Variants in GSK3B observed in about 807,000 individuals in gnomAD.
The protein encoded by GSK3B is glycogen synthase kinase 3 beta.
Under a neutral mutation model 56.4 loss-of-function variants are expected in GSK3B, and 15 were observed. That is an observed-to-expected ratio of 0.27 (90% CI 0.18 to 0.41). The LOEUF (loss-of-function observed/expected upper bound fraction) is 0.41, where lower values mean the gene tolerates loss of function less well. Among genes scored for constraint, GSK3B ranks in the 10% least tolerant of loss-of-function variants. GSK3B has a pLI of 1.00. For missense variants in GSK3B, 300 were observed against 513.4 expected (o/e 0.58, Z 4.02); for synonymous variants, 181 against 188.9 (o/e 0.96, Z 0.34).
Position 119,826,572 on chromosome 3 carries a change from G to A in GSK3B, c.*216C>T. The A allele has an allele frequency of 1.9e-6, 1 of 515,942 alleles. No individual in the cohort carries two copies. The allele number at this position is 515,942 out of a possible 1,614,324, so 32.0% of individuals were successfully genotyped here. On this transcript the variant is annotated 3_prime_UTR_variant, in exon 11 of 11. Transcript: ENST00000264235. ...CTCCCCACAACCCCTCCCACCCCCT[G>A]GATCTCCCTCAAAGTGAGAATACAA...
chr3:119,845,670 C>T (rs922894531), intron 9 of GSK3B, among the ~76,000 whole-genome samples: 1 of 152,100 alleles, frequency 6.6e-6, no homozygotes, highest in Non-Finnish European at 1.5e-5. Flanking sequence ...AGGACACAAA[C>T]AAATGGAAAA....
chr3:120,059,915 A>G (rs1266052301), intron 1 of GSK3B, among the ~76,000 whole-genome samples: 1 of 152,208 alleles, frequency 6.6e-6, no homozygotes, highest in Admixed American at 6.5e-5. Context: ...TTTCACTTTC[A>G]TCAACCAAAT....
intron 3 of GSK3B, among the ~76,000 whole-genome samples, chr3:119,926,481 C>A (rs188564154): frequency 3.9e-4 from 59 of 152,274 alleles, no homozygotes; most frequent in Admixed American, 8.5e-4. Context: ...AAGCTACTAT[C>A]ACCTTTCACG....
At chr3:119,915,583 T>C (rs767970602) in intron 5 of GSK3B, among the ~76,000 whole-genome samples, 4 of 152,122 alleles carry the variant, frequency 2.6e-5, no homozygotes, top group Non-Finnish European at 5.9e-5. Context: ...TCTGTATGTT[T>C]TTAAAACATA....
At chr3:119,922,290 A>G (rs1048312243) in intron 4 of GSK3B, among the ~76,000 whole-genome samples, 19 of 131,896 alleles carry the variant, frequency 1.4e-4, no homozygotes, top group Admixed American at 2.3e-4. Flanking sequence ...AGGAGGGAAA[A>G]ATAATAAAAA....
chr3:120,027,413 A>G (rs543283836), intron 1 of GSK3B, among the ~76,000 whole-genome samples: 2 of 152,010 alleles, frequency 1.3e-5, no homozygotes, highest in Non-Finnish European at 2.9e-5. Context: ...ACAAAAATGA[A>G]ACCCTATTCT....
rs1341895596 is a variant in GSK3B at position 119,822,963 on chromosome 3, C to T, written c.*3825G>A. 4.4e-6 allele frequency: 1 copy of T among 229,360 alleles called. No homozygotes were observed. The highest frequency in any genetic ancestry group is 8.6e-6 in the Non-Finnish European group (1 of 115,726). 14.2% of individuals were successfully genotyped at this position (229,360 alleles called of 1,614,324 possible). On this transcript the variant is annotated 3_prime_UTR_variant, in exon 11 of 11. Transcript: ENST00000264235. The stretch of plus-strand genomic sequence containing the variant: ...GGATAGAGAATACTCCTCTCAGAAA[C>T]CTTTGCATTGGTGCAGACAAGATGA...
chr3:120,036,864 T>C (rs1016246997), intron 1 of GSK3B, among the ~76,000 whole-genome samples: 1 of 148,312 alleles, frequency 6.7e-6, no homozygotes, highest in African/African-American at 2.5e-5. Flanking sequence ...GATACACAGA[T>C]ATCAAAATAA....
At chr3:120,057,960 A>C (rs1406766665) in intron 1 of GSK3B, among the ~76,000 whole-genome samples, 1 of 152,046 alleles carries the variant, frequency 6.6e-6, no homozygotes, top group African/African-American at 2.4e-5. Flanking sequence ...AAAGGGATCA[A>C]TCAAAATCTC....
chr3:120,094,330 GC>G lies in GSK3B; in HGVS notation c.-897del. 3.6e-6 allele frequency: 1 copy of G among 276,704 alleles called. No individual in the cohort carries two copies. Among genetic ancestry groups the G allele is most frequent in the Non-Finnish European group, 6.9e-6 (1 of 145,656 alleles). 17.1% of individuals were successfully genotyped at this position (276,704 alleles called of 1,614,324 possible). On this transcript the variant is annotated 5_prime_UTR_variant, in exon 1 of 11. Coordinates refer to ENST00000264235, the MANE Select transcript of GSK3B (RefSeq NM_001146156.2). ...TTTGCCCCAGCCCAGAGCCCTGTCAGCGGCTGCGGGGCCGGCTCCTCCTCGC... is the reference window on the plus strand; with the variant it reads ...TTTGCCCCAGCCCAGAGCCCTGTCAGGGCTGCGGGGCCGGCTCCTCCTCGC...
intron 2 of GSK3B, among the ~76,000 whole-genome samples, chr3:119,986,008 G>C (rs927087376): frequency 6.6e-6 from 1 of 152,032 alleles, no homozygotes; most frequent in South Asian, 2.1e-4. Flanking sequence ...TGGAACAGAA[G>C]AGAGCCCTCA....
At chr3:120,036,320 T>C (rs370995471) in intron 1 of GSK3B, among the ~76,000 whole-genome samples, 3 of 152,304 alleles carry the variant, frequency 2.0e-5, no homozygotes, top group South Asian at 2.1e-4. Flanking sequence ...ACATAAACAC[T>C]ACTTTATTAT....
chr3:119,897,750 G>A (rs114470932), intron 7 of GSK3B, among the ~76,000 whole-genome samples: 1,465 of 142,366 alleles, frequency 0.01, 22 homozygotes, highest in African/African-American at 0.037. Flanking sequence ...TCAAGACAGC[G>A]CCACTGAACT....
At chr3:119,996,130 C>T (rs1041236338) in intron 2 of GSK3B, among the ~76,000 whole-genome samples, 2 of 152,198 alleles carry the variant, frequency 1.3e-5, no homozygotes, top group African/African-American at 4.8e-5. Context: ...GCTATGTGTG[C>T]ACATTATTAC....
intron 1 of GSK3B, among the ~76,000 whole-genome samples, chr3:120,079,701 A>G (rs1324639842): frequency 6.6e-6 from 1 of 152,108 alleles, no homozygotes; most frequent in Non-Finnish European, 1.5e-5. Flanking sequence ...GGCCTATATA[A>G]ACATATTTTT....
At chr3:119,832,410 C>T (rs1207054203) in intron 10 of GSK3B, among the ~76,000 whole-genome samples, 1 of 152,198 alleles carries the variant, frequency 6.6e-6, no homozygotes, top group Non-Finnish European at 1.5e-5. Flanking sequence ...AAATTCCTGA[C>T]CCATAGAAAC....
intron 2 of GSK3B, among the ~76,000 whole-genome samples, chr3:119,956,244 C>T (rs2057213252): frequency 6.6e-6 from 1 of 152,082 alleles, no homozygotes; most frequent in African/African-American, 2.4e-5. Context: ...ATTTGGGACA[C>T]ATTCATTTTG....
intron 7 of GSK3B, among the ~76,000 whole-genome samples, chr3:119,900,826 A>G (rs951090583): frequency 6.6e-6 from 1 of 152,174 alleles, no homozygotes; most frequent in Non-Finnish European, 1.5e-5. Context: ...AAGCAGTAAG[A>G]TGGTATTTTT....
intron 1 of GSK3B, among the ~76,000 whole-genome samples, chr3:120,074,291 C>T (rs539501622): frequency 2.6e-4 from 39 of 150,646 alleles, no homozygotes; most frequent in African/African-American, 9.0e-4. Flanking sequence ...CAGAGTGAGG[C>T]CCTGTCTCTA....
Sources: allele counts gnomAD v4.1 joint callset (sites outside exome capture counted in the v4.1 genomes callset), GRCh38; gene constraint gnomAD v4.1.1; transcripts MANE v1.5; gene names NCBI Gene and HGNC (gene_info 2026-07-23, HGNC 2026-07-21).